The following MYO10 variants were observed in gnomAD, a reference collection of about 807,000 sequenced individuals.
The protein encoded by MYO10 is unconventional myosin-X.
A neutral mutation model predicts 257.3 loss-of-function variants in MYO10; 133 were observed. The observed-to-expected ratio is 0.52, with a 90% CI of 0.45 to 0.60. The LOEUF (loss-of-function observed/expected upper bound fraction) is 0.60, where lower values mean the gene tolerates loss of function less well. MYO10 is among the 20% of genes least tolerant of loss of function. The pLI is 0.00. For missense variants in MYO10, 2,399 were observed against 2,635.7 expected, an observed-to-expected ratio of 0.91 and a Z score of 1.97; for synonymous variants, 1,104 against 1,028.6, an observed-to-expected ratio of 1.07 and a Z score of -1.40.
intron 39 of MYO10, among the ~76,000 whole-genome samples, chr5:16,668,930 T>C (rs1736306665): frequency 6.6e-6 from 1 of 152,164 alleles, no homozygotes; most frequent in Non-Finnish European, 1.5e-5. Context: ...AGGAAAATTC[T>C]CCAAATCACG....
At chr5:16,888,551 C>T (rs1369021559) in intron 1 of MYO10, among the ~76,000 whole-genome samples, 6 of 151,482 alleles carry the variant, frequency 4.0e-5, no homozygotes, top group East Asian at 3.9e-4. Context: ...GCCGAAATTG[C>T]GCCACTGCAC....
At position 16,689,778 on chromosome 5, in the gene MYO10, G is replaced by T. The variant is rs768975320; in HGVS notation, c.3896+46C>A. On this transcript the variant is annotated intron_variant, in intron 28 of 40. Transcript: ENST00000513610. ...CTGTGTGATGCTCACACCTGTGCAT[G>T]AGGGAGCAGGATGTGGGTAACACAA... 3.8e-5 allele frequency: 56 copies of T among 1,460,280 alleles called. No individual in the cohort carries two copies. In the East Asian group the frequency reaches 1.3e-3, roughly 33 times the overall value. 90.5% of individuals were successfully genotyped at this position (1,460,280 alleles called of 1,614,324 possible). A position where few individuals can be genotyped will look rare whatever the true frequency, so the allele number is the denominator to read the frequency against.
intron 28 of MYO10, among the ~76,000 whole-genome samples, chr5:16,687,742 G>A (rs1737315609): frequency 6.6e-6 from 1 of 151,736 alleles, no homozygotes; most frequent in Admixed American, 6.6e-5. Context: ...TATACAACAA[G>A]GAAAACACTT....
chr5:16,917,930 A>C (rs923194843), intron 1 of MYO10, among the ~76,000 whole-genome samples: 1 of 152,198 alleles, frequency 6.6e-6, no homozygotes, highest in Non-Finnish European at 1.5e-5. Context: ...TCCAGGCTAC[A>C]TACTTTACAA....
At chr5:16,728,929 T>C (rs941376194) in intron 19 of MYO10, among the ~76,000 whole-genome samples, 1 of 152,138 alleles carries the variant, frequency 6.6e-6, no homozygotes, top group Non-Finnish European at 1.5e-5. Flanking sequence ...TTACTGTATT[T>C]TTCTTTTCTT....
At position 16,905,143 on chromosome 5, in the gene MYO10, C is replaced by T. The variant is rs115084974; in HGVS notation, c.22-27436G>A. On this transcript the variant is annotated intron_variant, in intron 1 of 40. Transcript: ENST00000513610. ...CAAATCTCGCTTGATGCGGAGGGCACGCTGCATCCCTTGTTCTAGAGATGG... is the reference window on the plus strand; with the variant it reads ...CAAATCTCGCTTGATGCGGAGGGCATGCTGCATCCCTTGTTCTAGAGATGG... Among the ~76,000 whole-genome samples the T allele has an allele frequency of 3.2e-3, 482 of 152,254 alleles. 4 individuals carry two copies. The highest frequency in any genetic ancestry group is 0.011 in the African/African-American group (460 of 41,542).
intron 2 of MYO10, among the ~76,000 whole-genome samples, chr5:16,860,356 C>T (rs1744073013): frequency 6.6e-6 from 1 of 152,126 alleles, no homozygotes; most frequent in Non-Finnish European, 1.5e-5. Flanking sequence ...AGAAGAAAGA[C>T]TTTCCAATTG....
chr5:16,695,249 G>A (rs1203335959), intron 26 of MYO10, among the ~76,000 whole-genome samples: 1 of 152,130 alleles, frequency 6.6e-6, no homozygotes, highest in Non-Finnish European at 1.5e-5. Flanking sequence ...TAGGACAATC[G>A]CTTGAATCCG....
chr5:16,796,261 GAGAA>G lies in MYO10; in HGVS notation c.280-1432_280-1429del, dbSNP rs1189773367. ...AGCGAGCGTGCGAGAGAGAGAGAGA[GAGAA>G]AGAAAGAAGGAAAGAAAGAAAGAAG... is the stretch of plus-strand genomic sequence containing the variant. On this transcript the variant is annotated intron_variant, in intron 3 of 40. Transcript: ENST00000513610. Among the ~76,000 whole-genome samples the G allele has an allele frequency of 8.5e-4, 124 of 146,084 alleles. 1 individual carries two copies. The highest frequency in any genetic ancestry group is 2.8e-3 in the African/African-American group (112 of 39,702).
intron 9 of MYO10, among the ~76,000 whole-genome samples, chr5:16,773,053 TTTAA>T (rs1741102034): frequency 6.6e-6 from 1 of 152,208 alleles, no homozygotes; most frequent in Non-Finnish European, 1.5e-5. Context: ...AATGGACGTA[TTTAA>T]TTATGTGTTC....
At chr5:16,900,579 G>A (rs1263521062) in intron 1 of MYO10, among the ~76,000 whole-genome samples, 3 of 151,968 alleles carry the variant, frequency 2.0e-5, no homozygotes, top group Non-Finnish European at 2.9e-5. Context: ...ACGGGGGACC[G>A]ATCCATCCGG....
intron 19 of MYO10, among the ~76,000 whole-genome samples, chr5:16,727,284 A>G (rs1739407508): frequency 6.6e-6 from 1 of 152,220 alleles, no homozygotes; most frequent in African/African-American, 2.4e-5. Flanking sequence ...GTGTTATTCT[A>G]AAAAGTTAGG....
chr5:16,769,295 T>C (rs1017711575), intron 9 of MYO10, 92 bp from the exon 10 acceptor site: 2 of 1,341,004 alleles, frequency 1.5e-6, no homozygotes, highest in Non-Finnish European at 2.0e-6. Flanking sequence ...TACTAGGTGT[T>C]ATTGAAAAGG....
At chr5:16,927,724 C>A (rs1339885486) in intron 1 of MYO10, among the ~76,000 whole-genome samples, 1 of 152,190 alleles carries the variant, frequency 6.6e-6, no homozygotes, top group Non-Finnish European at 1.5e-5. Flanking sequence ...ATTAGTTGGA[C>A]AATTCCCATA....
intron 28 of MYO10, among the ~76,000 whole-genome samples, chr5:16,689,467 A>C (rs1443418560): frequency 6.6e-6 from 1 of 151,928 alleles, no homozygotes; most frequent in Non-Finnish European, 1.5e-5. Flanking sequence ...TGCAAACACA[A>C]ATGATTCACT....
intron 9 of MYO10, among the ~76,000 whole-genome samples, chr5:16,779,076 C>A (rs1436495181): frequency 6.6e-6 from 1 of 152,168 alleles, no homozygotes; most frequent in Non-Finnish European, 1.5e-5. Context: ...TGACAAGACC[C>A]CAGGTTTTAG....
In MYO10 at chr5:16,662,591, G is replaced by C. The variant is rs1736022130; in HGVS notation, c.*4101C>G. On this transcript the variant is annotated 3_prime_UTR_variant, in exon 41 of 41. Coordinates refer to ENST00000513610, the MANE Select transcript of MYO10 (RefSeq NM_012334.3). ...CTTGCCTCGGCCTTCCAACATGCTG[G>C]GATTACAGGCGTGAGCCAGCATGCC... 6.6e-6 allele frequency: 1 copy of C among 151,926 alleles called. No individual in the cohort carries two copies. The highest frequency in any genetic ancestry group is 1.5e-5 in the Non-Finnish European group (1 of 68,038). 9.4% of individuals were successfully genotyped at this position (151,926 alleles called of 1,614,324 possible).
chr5:16,666,943 C>T, intron 40 of MYO10, 150 bp from the exon 41 acceptor site: 1 of 624,448 alleles, frequency 1.6e-6, no homozygotes, highest in Admixed American at 2.9e-5. Flanking sequence ...AGAAGTTTAA[C>T]CACTTTCACC....
chr5:16,809,008 A>G (rs1274463323), intron 3 of MYO10, among the ~76,000 whole-genome samples: 2 of 151,848 alleles, frequency 1.3e-5, no homozygotes, highest in East Asian at 1.9e-4. Flanking sequence ...CAAGGAAGAA[A>G]AAAAAAAATC....
Sources: gnomAD v4.1 joint callset for allele counts (sites outside exome capture counted in the v4.1 genomes callset) on GRCh38, gnomAD v4.1.1 for gene constraint, MANE v1.5 for transcripts, NCBI Gene and HGNC (gene_info 2026-07-23, HGNC 2026-07-21) for gene names.